Variants in HSD11B1 observed in about 807,000 individuals in gnomAD.
The protein encoded by HSD11B1 is 11-beta-hydroxysteroid dehydrogenase 1.
Under a neutral mutation model 22.1 loss-of-function variants are expected in HSD11B1, and 15 were observed. That is an observed-to-expected ratio of 0.68 (90% CI 0.45 to 1.04). The LOEUF is 1.04. Among genes scored for constraint, HSD11B1 ranks in the 50% least tolerant of loss-of-function variants. HSD11B1 has a pLI of 0.00. For missense variants in HSD11B1, 281 were observed against 357.6 expected (o/e 0.79, Z 1.73); for synonymous variants, 122 against 125.2 (o/e 0.97, Z 0.17).
intron 1 of HSD11B1, among the ~76,000 whole-genome samples, chr1:209,691,726 A>G (rs928092280): frequency 2.0e-5 from 3 of 152,198 alleles, no homozygotes; most frequent in Admixed American, 2.0e-4. Flanking sequence ...TACAAACACT[A>G]TTGATTTAAT....
intron 4 of HSD11B1, among the ~76,000 whole-genome samples, chr1:209,720,730 A>G (rs906258008): frequency 6.6e-6 from 1 of 152,122 alleles, no homozygotes; most frequent in Admixed American, 6.6e-5. Context: ...TTTGCTATAA[A>G]GGATATTATT....
intron 4 of HSD11B1, 151 bp downstream of exon 4, chr1:209,707,279 T>C: frequency 1.4e-6 from 1 of 714,666 alleles, no homozygotes; most frequent in East Asian, 2.7e-5. Flanking sequence ...CAAAATTCTT[T>C]TAAGTAACAG....
At chr1:209,720,203 G>A (rs2076956792) in intron 4 of HSD11B1, among the ~76,000 whole-genome samples, 1 of 152,024 alleles carries the variant, frequency 6.6e-6, no homozygotes, top group South Asian at 2.1e-4. Flanking sequence ...CTGATAGACG[G>A]CACCTGATTC....
intron 1 of HSD11B1, among the ~76,000 whole-genome samples, chr1:209,698,752 A>G (rs2076808333): frequency 6.6e-6 from 1 of 152,200 alleles, no homozygotes; most frequent in Non-Finnish European, 1.5e-5. Flanking sequence ...CATAAAAACA[A>G]CAGAATTTTT....
At chr1:209,732,819 C>A (rs967691686) in intron 5 of HSD11B1, among the ~76,000 whole-genome samples, 1 of 151,302 alleles carries the variant, frequency 6.6e-6, no homozygotes, top group Admixed American at 6.6e-5. Context: ...TGTTCAATTC[C>A]CACCTATGAG....
upstream of HSD11B1, among the ~76,000 whole-genome samples, chr1:209,703,173 TA>T (rs1394097865): frequency 6.6e-6 from 1 of 152,236 alleles, no homozygotes; most frequent in Non-Finnish European, 1.5e-5. Context: ...ATTCTTTATT[TA>T]TTTTTTATGT....
intron 4 of HSD11B1, among the ~76,000 whole-genome samples, chr1:209,728,571 T>A (rs1156750426): frequency 2.0e-5 from 3 of 152,184 alleles, no homozygotes; most frequent in Non-Finnish European, 4.4e-5. Flanking sequence ...TATTTTTGTC[T>A]CAAACAATAA....
chr1:209,713,474 C>T (rs779166454), intron 4 of HSD11B1, among the ~76,000 whole-genome samples: 20 of 152,042 alleles, frequency 1.3e-4, no homozygotes, highest in Non-Finnish European at 2.2e-4. Context: ...TGCTTTGTGC[C>T]TCTTTTCATA....
intron 4 of HSD11B1, among the ~76,000 whole-genome samples, chr1:209,714,307 T>C (rs1386112639): frequency 6.6e-6 from 1 of 152,226 alleles, no homozygotes; most frequent in Non-Finnish European, 1.5e-5. Context: ...TATTTCTTGG[T>C]ATACAAAATA....
At chr1:209,710,190 AAGT>A (rs1023523240) in intron 4 of HSD11B1, among the ~76,000 whole-genome samples, 1 of 152,218 alleles carries the variant, frequency 6.6e-6, no homozygotes, top group African/African-American at 2.4e-5. Flanking sequence ...ATCTGGAAAA[AAGT>A]TTATCTGACA....
chr1:209,718,367 C>A (rs976590632), intron 4 of HSD11B1, among the ~76,000 whole-genome samples: 2 of 152,062 alleles, frequency 1.3e-5, no homozygotes, highest in Non-Finnish European at 2.9e-5. Context: ...ACAAATATTA[C>A]GTATCAACTT....
chr1:209,706,850 G>A lies in HSD11B1; in HGVS notation c.331+30G>A. On this transcript the variant is annotated intron_variant, in intron 3 of 5. Coordinates refer to ENST00000367027, the MANE Select transcript of HSD11B1 (RefSeq NM_005525.4). The surrounding 1 kb of genome is among the most constrained non-coding windows in gnomAD (Gnocchi z 4.0). ...GGCTGTTTCTCTTACCTCCTCCTCT[G>A]AACTTTGCCCTTGGGGTCACCAAGA... 1 of 1,606,860 alleles carries A rather than the reference G, an allele frequency of 6.2e-7. No individual in the cohort carries two copies. The highest frequency in any genetic ancestry group is 1.1e-5 in the South Asian group (1 of 90,870).
chr1:209,732,345 G>T (rs2077040660), intron 4 of HSD11B1, 91 bp from the exon 5 acceptor site: 2 of 1,371,496 alleles, frequency 1.5e-6, no homozygotes, highest in Non-Finnish European at 2.1e-6. Context: ...AGGGGTAAAA[G>T]GACACCATAG....
At chr1:209,718,298 C>T (rs1394639586) in intron 4 of HSD11B1, among the ~76,000 whole-genome samples, 1 of 152,164 alleles carries the variant, frequency 6.6e-6, no homozygotes, top group Non-Finnish European at 1.5e-5. Flanking sequence ...AATACCCTTA[C>T]TTGATCATTA....
At chr1:209,700,586 T>A (rs954855237), upstream of HSD11B1, among the ~76,000 whole-genome samples, 2 of 152,210 alleles carry the variant, frequency 1.3e-5, no homozygotes, top group South Asian at 4.1e-4. Flanking sequence ...ATTTTCCTCA[T>A]GGTTTTGGGG....
rs188114349 is a variant in HSD11B1, at chr1:209,708,511, C to T, written c.517+1383C>T. ...TGCTTCCCAGACAACACACACTCCC[C>T]ACCCCTCCCCAGACACAGACTCTCT... On this transcript the variant is annotated intron_variant, in intron 4 of 5. Transcript: ENST00000367027. 1.3e-4 allele frequency among the ~76,000 whole-genome samples: 20 copies of T among 152,278 alleles called. No homozygotes were observed. In the East Asian group the frequency reaches 3.9e-3, roughly 29 times the overall value.
chr1:209,689,863 G>A (rs190459352), intron 1 of HSD11B1, among the ~76,000 whole-genome samples: 7 of 152,224 alleles, frequency 4.6e-5, no homozygotes, highest in East Asian at 1.9e-4. Flanking sequence ...CTAAGACACC[G>A]GGCATGGGAC....
At chr1:209,695,097 T>C (rs1456164300) in intron 1 of HSD11B1, among the ~76,000 whole-genome samples, 1 of 152,212 alleles carries the variant, frequency 6.6e-6, no homozygotes, top group African/African-American at 2.4e-5. Flanking sequence ...TGTTTGGCTG[T>C]TCCCCCCTTT....
At chr1:209,707,710 G>T (rs1396378901) in intron 4 of HSD11B1, among the ~76,000 whole-genome samples, 3 of 151,954 alleles carry the variant, frequency 2.0e-5, no homozygotes, top group South Asian at 2.1e-4. Context: ...ACAAAGGAAG[G>T]TTGAAGGGAC....
Sources: gnomAD v4.1 joint callset for allele counts (sites outside exome capture counted in the v4.1 genomes callset) on GRCh38, gnomAD v4.1.1 for gene constraint, Gnocchi (gnomAD v3.1) non-coding constraint, MANE v1.5 for transcripts, NCBI Gene and HGNC (gene_info 2026-07-23, HGNC 2026-07-21) for gene names.